Variants in MAP2K6 observed in about 807,000 individuals in gnomAD.
The protein encoded by MAP2K6 is mitogen-activated protein kinase kinase 6.
In MAP2K6, 16 loss-of-function variants were observed where a neutral mutation model predicts 53.7. That is an observed-to-expected ratio of 0.30 (90% CI 0.20 to 0.45). The LOEUF is 0.45. MAP2K6 is among the 20% of genes least tolerant of loss of function. The pLI, the probability that MAP2K6 is intolerant of heterozygous loss-of-function variation, is 1.00. For missense variants in MAP2K6, 204 were observed against 411.9 expected (o/e 0.50, Z 4.37); for synonymous variants, 132 against 143.1 (o/e 0.92, Z 0.55).
At chr17:69,480,792 A>C (rs1908324331) in intron 1 of MAP2K6, among the ~76,000 whole-genome samples, 1 of 152,168 alleles carries the variant, frequency 6.6e-6, no homozygotes. Context: ...TTTTTTAAAA[A>C]ATTTTATTTA....
intron 1 of MAP2K6, among the ~76,000 whole-genome samples, chr17:69,466,622 T>C (rs1038149590): frequency 6.6e-6 from 1 of 152,270 alleles, no homozygotes; most frequent in African/African-American, 2.4e-5. Context: ...GGAAATCAGA[T>C]GCTCTTAGCA....
At chr17:69,512,339 G>GT (rs746993199) in intron 2 of MAP2K6, among the ~76,000 whole-genome samples, 1,260 of 82,092 alleles carry the variant, frequency 0.015, 34 homozygotes, top group African/African-American at 0.034. Context: ...TTTTTTTTTT[G>GT]TTTTTTTTTT....
Position 69,524,852 on chromosome 17 carries a change from G to A in MAP2K6, c.664-49G>A, listed in dbSNP as rs530166560. On this transcript the variant is annotated intron_variant, in intron 8 of 11. Coordinates refer to ENST00000590474, the MANE Select transcript of MAP2K6 (RefSeq NM_002758.4). Reference sequence around the variant, plus strand: ...CCCCAGAGACTATTGAGCTAAGAACGTTATCTCAATTGTCTTCCCAGTTTC... The same window carrying A: ...CCCCAGAGACTATTGAGCTAAGAACATTATCTCAATTGTCTTCCCAGTTTC... The A allele has an allele frequency of 1.1e-4, 159 of 1,396,466 alleles. 2 individuals carry two copies. The highest frequency in any genetic ancestry group is 8.8e-4 in the South Asian group (76 of 86,434). The allele number at this position is 1,396,466 out of a possible 1,614,324, so 86.5% of individuals were successfully genotyped here. A position where few individuals can be genotyped will look rare whatever the true frequency, so the allele number is the denominator to read the frequency against.
chr17:69,430,338 A>G (rs1906420877), intron 1 of MAP2K6, among the ~76,000 whole-genome samples: 1 of 152,178 alleles, frequency 6.6e-6, no homozygotes, highest in African/African-American at 2.4e-5. Context: ...TCTGTCAAAA[A>G]GAGAAAAAAA....
chr17:69,463,934 G>A (rs758911565), intron 1 of MAP2K6, among the ~76,000 whole-genome samples: 32 of 151,008 alleles, frequency 2.1e-4, no homozygotes, highest in Non-Finnish European at 3.7e-4. Context: ...CAGGAGAATC[G>A]CTTGAACCTG....
chr17:69,478,079 C>T (rs184935963), intron 1 of MAP2K6, among the ~76,000 whole-genome samples: 22 of 152,266 alleles, frequency 1.4e-4, no homozygotes, highest in African/African-American at 4.3e-4. Context: ...CAGGAAATAG[C>T]GGGACTTCCA....
rs1298692943 is a variant in MAP2K6, at chr17:69,551,972, G to T, written c.*10219G>T. On this transcript the variant is annotated 3_prime_UTR_variant, in exon 12 of 12. Transcript: ENST00000590474. ...ACTTTACAAGAATTTTAATAAAAGA[G>T]GTGGATTTCTTCAGCTTTCTTTGTG... 1 of 152,194 alleles carries T rather than the reference G, an allele frequency of 6.6e-6. No individual in the cohort carries two copies. Among genetic ancestry groups the T allele is most frequent in the African/African-American group, 2.4e-5 (1 of 41,448 alleles). 9.4% of individuals were successfully genotyped at this position (152,194 alleles called of 1,614,324 possible).
rs1909200126 is a variant in MAP2K6, at chr17:69,502,096, G to C, written c.17-3684G>C. 5 of 896,166 alleles carry C rather than the reference G, an allele frequency of 5.6e-6. No homozygotes were observed. The African/African-American group carries it at 9.1e-5, about 16-fold the overall frequency. 55.5% of individuals were successfully genotyped at this position (896,166 alleles called of 1,614,324 possible). ...AAGCTGCAGAACATGGTACTGTCCAGATTTATAGATTTATTCCTCCAAGTC... is the reference window on the plus strand; with the variant it reads ...AAGCTGCAGAACATGGTACTGTCCACATTTATAGATTTATTCCTCCAAGTC... On this transcript the variant is annotated intron_variant, in intron 1 of 11. Transcript: ENST00000590474.
At position 69,553,436 on chromosome 17, in the gene MAP2K6, C is replaced by G. The variant is rs1406177609; in HGVS notation, c.*11683C>G. On this transcript the variant is annotated 3_prime_UTR_variant, in exon 12 of 12. Transcript: ENST00000590474. ...ACCGTTCTGGGTCCCCTCTGACCAC[C>G]TCAAAAAGAAAATGAAATTGGGAGA... 1.3e-5 allele frequency: 2 copies of G among 152,174 alleles called. No individual in the cohort carries two copies. Among genetic ancestry groups the G allele is most frequent in the African/African-American group, 2.4e-5 (1 of 41,442 alleles). 9.4% of individuals were successfully genotyped at this position (152,174 alleles called of 1,614,324 possible).
chr17:69,506,660 AG>A (rs1909502896), intron 2 of MAP2K6, among the ~76,000 whole-genome samples: 1 of 152,210 alleles, frequency 6.6e-6, no homozygotes, highest in Non-Finnish European at 1.5e-5. Flanking sequence ...TTTTGATCTT[AG>A]CTATGATCTG....
intron 1 of MAP2K6, among the ~76,000 whole-genome samples, chr17:69,492,672 C>G (rs1324668732): frequency 6.6e-6 from 1 of 152,162 alleles, no homozygotes; most frequent in Non-Finnish European, 1.5e-5. Flanking sequence ...TCTGACTCAG[C>G]CTTCGCCTCT....
At chr17:69,541,626 T>C (rs766337362) in intron 11 of MAP2K6, 50 bp from the exon 12 acceptor site, 1 of 1,354,188 alleles carries the variant, frequency 7.4e-7, no homozygotes, top group African/African-American at 1.4e-5. Context: ...ATCTCATATA[T>C]TGATTGTCAG....
At chr17:69,525,783 A>G (rs562963278) in intron 9 of MAP2K6, among the ~76,000 whole-genome samples, 2 of 152,354 alleles carry the variant, frequency 1.3e-5, no homozygotes, top group South Asian at 4.1e-4. Context: ...TATGGGAGCT[A>G]CAATTCAAGA....
intron 1 of MAP2K6, among the ~76,000 whole-genome samples, chr17:69,442,385 T>C (rs2145149433): frequency 6.6e-6 from 1 of 152,332 alleles, no homozygotes; most frequent in Non-Finnish European, 1.5e-5. Context: ...TCCTTAATCC[T>C]GATGGTCTCC....
intron 5 of MAP2K6, 104 bp downstream of exon 5, chr17:69,519,536 A>G: frequency 2.1e-6 from 3 of 1,431,952 alleles, no homozygotes; most frequent in Non-Finnish European, 2.9e-6. Flanking sequence ...TTCTTGTTTG[A>G]CACATCTTGT....
Position 69,543,350 on chromosome 17 carries a change from T to G in MAP2K6, c.*1597T>G, listed in dbSNP as rs541404935. On this transcript the variant is annotated 3_prime_UTR_variant, in exon 12 of 12. Transcript: ENST00000590474. ...TTTTAGATTTTGAAGTGCAATCATA[T>G]GTTTTTCTCTGTTTGCATTTTTTCC... 6 of 152,308 alleles carry G rather than the reference T, an allele frequency of 3.9e-5. No individual in the cohort carries two copies. The highest frequency in any genetic ancestry group is 1.4e-4 in the African/African-American group (6 of 41,582). The allele number at this position is 152,308 out of a possible 1,614,324, so 9.4% of individuals were successfully genotyped here.
chr17:69,524,157 A>G (rs1910639705), intron 8 of MAP2K6, among the ~76,000 whole-genome samples: 1 of 152,038 alleles, frequency 6.6e-6, no homozygotes, highest in African/African-American at 2.4e-5. Context: ...TAACCTGTGG[A>G]TTTTGGTGGG....
At chr17:69,483,633 A>G (rs1454346266) in intron 1 of MAP2K6, among the ~76,000 whole-genome samples, 4 of 152,114 alleles carry the variant, frequency 2.6e-5, no homozygotes, top group Non-Finnish European at 4.4e-5. Context: ...TAAAGGCCTC[A>G]GAATAGCCAA....
At chr17:69,438,562 C>G (rs544706883) in intron 1 of MAP2K6, among the ~76,000 whole-genome samples, 1 of 151,982 alleles carries the variant, frequency 6.6e-6, no homozygotes, top group East Asian at 1.9e-4. Flanking sequence ...TTTTGTACAT[C>G]CTCTGAGCTA....
Sources: allele counts gnomAD v4.1 joint callset (sites outside exome capture counted in the v4.1 genomes callset), GRCh38; gene constraint gnomAD v4.1.1; transcripts MANE v1.5; gene names NCBI Gene and HGNC (gene_info 2026-07-23, HGNC 2026-07-21).